CARMIL1: variants seen among roughly 807,000 people sequenced by gnomAD.
CARMIL1 encodes capping protein regulator and myosin 1 linker 1.
Under a neutral mutation model 177.1 loss-of-function variants are expected in CARMIL1, and 90 were observed. The observed-to-expected ratio is 0.51, with a 90% CI of 0.43 to 0.61. The LOEUF is 0.61. Ranked by LOEUF, CARMIL1 falls within the 20% of genes least tolerant of loss-of-function variation. CARMIL1 has a pLI of 0.00. For synonymous variants in CARMIL1, 577 were observed against 606.2 expected (o/e 0.95, Z 0.71); for missense variants, 1,380 against 1,667.0 (o/e 0.83, Z 3.00).
rs540720229 is a variant in CARMIL1 at position 25,461,081 on chromosome 6, A to G, written c.615-4792A>G. ...TTGATTGGCATTGCATTACATCTCT[A>G]AATCAATTTGGAAAAAACTACTATT... is the stretch of plus-strand genomic sequence containing the variant. On this transcript the variant is annotated intron_variant, in intron 8 of 36. Transcript: ENST00000329474. Among the ~76,000 whole-genome samples the G allele has an allele frequency of 2.0e-5, 3 of 152,220 alleles. No individual in the cohort carries two copies. In the South Asian group the frequency reaches 6.2e-4, roughly 32 times the overall value.
At chr6:25,571,873 T>G (rs909504732) in intron 29 of CARMIL1, among the ~76,000 whole-genome samples, 19 of 151,686 alleles carry the variant, frequency 1.3e-4, no homozygotes, top group African/African-American at 3.9e-4. Context: ...AAAAGAAAGG[T>G]GGGGATGGGA....
chr6:25,462,219 G>A (rs112197727), intron 8 of CARMIL1, among the ~76,000 whole-genome samples: 2,352 of 151,776 alleles, frequency 0.015, 35 homozygotes, highest in African/African-American at 0.043. Flanking sequence ...TTTGCTTTTC[G>A]AAGATCTAAA....
chr6:25,430,492 C>A (rs1178645540), intron 4 of CARMIL1, among the ~76,000 whole-genome samples: 1 of 150,240 alleles, frequency 6.7e-6, no homozygotes, highest in African/African-American at 2.5e-5. Flanking sequence ...TGCAGGGGTG[C>A]AATCTCAGCT....
intron 29 of CARMIL1, among the ~76,000 whole-genome samples, chr6:25,576,287 GATGTA>G (rs987992217): frequency 6.6e-6 from 1 of 152,036 alleles, no homozygotes; most frequent in African/African-American, 2.4e-5. Context: ...ATTATTTAGA[GATGTA>G]ATGTAAAATG....
intron 2 of CARMIL1, among the ~76,000 whole-genome samples, chr6:25,392,851 A>G (rs1793014589): frequency 6.6e-6 from 1 of 152,150 alleles, no homozygotes; most frequent in Non-Finnish European, 1.5e-5. Flanking sequence ...ACCCCTCTTT[A>G]TAATTACTGG....
intron 8 of CARMIL1, among the ~76,000 whole-genome samples, chr6:25,453,303 T>G (rs1562159803): frequency 6.6e-6 from 1 of 152,122 alleles, no homozygotes; most frequent in East Asian, 1.9e-4. Flanking sequence ...GTGACCAGAT[T>G]ACTTCTTAGA....
intron 20 of CARMIL1, among the ~76,000 whole-genome samples, chr6:25,513,121 C>T (rs183270730): frequency 1.5e-3 from 228 of 152,116 alleles, no homozygotes; most frequent in African/African-American, 5.0e-3. Context: ...CTTGACAGCT[C>T]GGAGAGTTGG....
rs138003476 is a variant in CARMIL1, at chr6:25,559,152, C to T, written c.2742+2302C>T. ...CTGCCCGAAGTGCAAGGATCCCTCT[C>T]CTAAAGGAAATCGATTTTCTGAGCT... On this transcript the variant is annotated intron_variant, in intron 29 of 36. Transcript: ENST00000329474. 4.0e-4 allele frequency among the ~76,000 whole-genome samples: 61 copies of T among 152,216 alleles called. No individual in the cohort carries two copies. In the East Asian group the frequency reaches 0.01, roughly 26 times the overall value.
At chr6:25,528,943 C>A in intron 24 of CARMIL1, 50 bp downstream of exon 24, 2 of 1,405,266 alleles carry the variant, frequency 1.4e-6, no homozygotes, top group South Asian at 1.2e-5. Flanking sequence ...AACTGACCCT[C>A]TGAGAGCAAA....
At position 25,404,784 on chromosome 6, in the gene CARMIL1, T is replaced by C. The variant is rs983739165; in HGVS notation, c.139-15330T>C. 5.4e-5 allele frequency among the ~76,000 whole-genome samples: 8 copies of C among 149,360 alleles called. No homozygotes were observed. The East Asian group carries it at 1.4e-3, about 26-fold the overall frequency. The stretch of plus-strand genomic sequence containing the variant: ...AAAAAAAAAAAAAATAGAGGTGCAG[T>C]GTTCCCTGCTTCACACTAGGAAGTG... On this transcript the variant is annotated intron_variant, in intron 2 of 36. Transcript: ENST00000329474.
At chr6:25,358,593 A>G (rs527697371) in intron 2 of CARMIL1, among the ~76,000 whole-genome samples, 1 of 152,208 alleles carries the variant, frequency 6.6e-6, no homozygotes, top group Admixed American at 6.5e-5. Context: ...ATCATAAGGT[A>G]TATATAAAGT....
chr6:25,537,814 T>C, intron 24 of CARMIL1, 41 bp from the exon 25 acceptor site: 1 of 1,606,142 alleles, frequency 6.2e-7, no homozygotes, highest in South Asian at 1.1e-5. Flanking sequence ...GAATATCGGC[T>C]GGGCTGACTT....
intron 2 of CARMIL1, among the ~76,000 whole-genome samples, chr6:25,338,204 C>T (rs1378217102): frequency 6.6e-6 from 1 of 151,964 alleles, no homozygotes; most frequent in Non-Finnish European, 1.5e-5. Flanking sequence ...TTACAGTGAG[C>T]CGAGATTGCA....
At chr6:25,607,475 G>A (rs1816090684) in intron 35 of CARMIL1, among the ~76,000 whole-genome samples, 1 of 152,114 alleles carries the variant, frequency 6.6e-6, no homozygotes, top group Non-Finnish European at 1.5e-5. Flanking sequence ...TTACGGATGA[G>A]GAATATGAGG....
chr6:25,441,337 A>ATGTGTGTGTG lies in CARMIL1; in HGVS notation c.371+5759_371+5768dup, dbSNP rs1554196401. Among the ~76,000 whole-genome samples, 711 of 94,496 alleles carry ATGTGTGTGTG rather than the reference A, an allele frequency of 7.5e-3. 12 individuals are homozygous for ATGTGTGTGTG. The highest frequency in any genetic ancestry group is 0.022 in the Middle Eastern group (4 of 186). The allele number at this position is 94,496 out of a possible 152,430, so 62.0% of individuals were successfully genotyped here. A position where few individuals can be genotyped will look rare whatever the true frequency, so the allele number is the denominator to read the frequency against. On this transcript the variant is annotated intron_variant, in intron 5 of 36. Coordinates refer to ENST00000329474, the MANE Select transcript of CARMIL1 (RefSeq NM_017640.6). The stretch of plus-strand genomic sequence containing the variant: ...CAAACAAACATATATATATATATAT[A>ATGTGTGTGTG]TGTGTGTGTGTGTGTGTGTGTGTGT...
At chr6:25,416,769 C>G (rs1795388686) in intron 2 of CARMIL1, among the ~76,000 whole-genome samples, 1 of 152,136 alleles carries the variant, frequency 6.6e-6, no homozygotes, top group African/African-American at 2.4e-5. Flanking sequence ...TGATGAGTTT[C>G]TCTGGACCTG....
At chr6:25,431,105 G>C (rs911289917) in intron 4 of CARMIL1, among the ~76,000 whole-genome samples, 1 of 152,066 alleles carries the variant, frequency 6.6e-6, no homozygotes. Context: ...ATGCTGGTGC[G>C]CTGCACCCAC....
chr6:25,583,824 C>A (rs1813360797), intron 31 of CARMIL1, among the ~76,000 whole-genome samples: 1 of 150,936 alleles, frequency 6.6e-6, no homozygotes, highest in African/African-American at 2.4e-5. Context: ...AAAGACAACC[C>A]CCCCCACCCG....
chr6:25,369,576 A>G (rs539318604), intron 2 of CARMIL1, among the ~76,000 whole-genome samples: 1 of 151,690 alleles, frequency 6.6e-6, no homozygotes, highest in Non-Finnish European at 1.5e-5. Context: ...CTCACTTGCT[A>G]TGTATCGAGG....
Sources: allele counts gnomAD v4.1 joint callset (sites outside exome capture counted in the v4.1 genomes callset), GRCh38; gene constraint gnomAD v4.1.1; transcripts MANE v1.5; gene names NCBI Gene and HGNC (gene_info 2026-07-23, HGNC 2026-07-21).